Variants in MCM5 observed in about 807,000 individuals in gnomAD.
The protein encoded by MCM5 is DNA replication licensing factor MCM5.
Under a neutral mutation model 79.9 loss-of-function variants are expected in MCM5, and 46 were observed. That is an observed-to-expected ratio of 0.58 (90% CI 0.45 to 0.74). MCM5 has a LOEUF of 0.74. Among genes scored for constraint, MCM5 ranks in the 30% least tolerant of loss-of-function variants. MCM5 has a pLI of 0.00. For missense variants in MCM5, 883 were observed against 1,017.0 expected, an observed-to-expected ratio of 0.87 and a Z score of 1.79; for synonymous variants, 404 against 390.5, an observed-to-expected ratio of 1.03 and a Z score of -0.41.
the MCM5 span, among the ~76,000 whole-genome samples, chr22:35,449,088 G>A: frequency 1.3e-5 from 2 of 152,214 alleles, no homozygotes; most frequent in Admixed American, 1.3e-4. Flanking sequence ...AGCAGGGCAG[G>A]TTGAAGAACT....
At chr22:35,438,476 T>TATCCAACCATCC in the MCM5 span, among the ~76,000 whole-genome samples, 1 of 107,608 alleles carries the variant, frequency 9.3e-6, no homozygotes, top group Non-Finnish European at 1.8e-5. Flanking sequence ...TCCATCCACA[T>TATCCAACCATCC]ATCCATCCAT....
At position 35,406,599 on chromosome 22, in the gene MCM5, C is replaced by T. The variant is rs140804920; in HGVS notation, c.470C>T (p.Ala157Val). The T allele has an allele frequency of 3.7e-4, 598 of 1,613,790 alleles. No individual in the cohort carries two copies. The highest frequency in any genetic ancestry group is 1.3e-3 in the Middle Eastern group (8 of 6,062). The change falls in exon 5 of 17, where the codon GCG (alanine) becomes GTG (valine). Residue 157 changes from alanine (A) to valine (V), a missense_variant. This residue lies in a region of MCM5 where 455 missense variants were observed against 517.5 expected (regional missense o/e 0.88). Coordinates refer to ENST00000216122, the MANE Select transcript of MCM5 (RefSeq NM_006739.4). ...GTGAAGATCCCTGGCATCATCATCG[C>T]GGCCTCTGCGGTCCGTGCCAAGGCC... ...HLVKIPGIII[A>V]ASAVRAKATR...
At chr22:35,415,806 C>T (rs745948621) in intron 9 of MCM5, 23 bp from the exon 10 acceptor site, 2 of 1,604,986 alleles carry the variant, frequency 1.2e-6, no homozygotes, top group South Asian at 1.1e-5. Context: ...TTATTGGGCC[C>T]TGACACCACC....
chr22:35,414,035 C>A, intron 9 of MCM5, 49 bp downstream of exon 9: 2 of 1,322,850 alleles, frequency 1.5e-6, no homozygotes, highest in Non-Finnish European at 1.1e-6. Context: ...GGGAGGAAGG[C>A]TGCAGGGCAG....
At chr22:35,451,555 C>G in the MCM5 span, among the ~76,000 whole-genome samples, 16 of 152,250 alleles carry the variant, frequency 1.1e-4, no homozygotes, top group African/African-American at 3.9e-4. Context: ...GGCAGTGTCT[C>G]CAGGTCGACC....
chr22:35,420,065 C>T (rs935265173), intron 14 of MCM5, 53 bp downstream of exon 14: 1 of 1,540,646 alleles, frequency 6.5e-7, no homozygotes. Flanking sequence ...CTTTACACAG[C>T]AGGGTGTGCT....
At chr22:35,440,879 G>T in the MCM5 span, among the ~76,000 whole-genome samples, 144 of 152,216 alleles carry the variant, frequency 9.5e-4, no homozygotes, top group African/African-American at 3.4e-3. Flanking sequence ...CCAACATGGA[G>T]AAACCCCGTC....
intron 16 of MCM5, 146 bp downstream of exon 16, chr22:35,423,487 C>G (rs1932745235): frequency 1.2e-6 from 1 of 844,610 alleles, no homozygotes; most frequent in African/African-American, 1.8e-5. Flanking sequence ...CAGACCTTTT[C>G]TAGCCATCAT....
intron 6 of MCM5, chr22:35,410,322 A>G (rs1932339441): frequency 5.2e-6 from 1 of 191,924 alleles, no homozygotes. Flanking sequence ...GTGGCCCCTC[A>G]AGGAGGCTGG....
chr22:35,403,195 T>C lies in MCM5; in HGVS notation c.168-12T>C. 1.2e-6 allele frequency: 2 copies of C among 1,613,948 alleles called. No individual in the cohort carries two copies. The highest frequency in any genetic ancestry group is 1.7e-6 in the Non-Finnish European group (2 of 1,179,886). ...ACCCTTCCTGCCCCACCCTGCTATG[T>C]GCCCACTCCAGGGATGAACTCAAGC... On this transcript the variant is annotated splice_polypyrimidine_tract_variant and intron_variant, in intron 2 of 16. Coordinates refer to ENST00000216122, the MANE Select transcript of MCM5 (RefSeq NM_006739.4).
chr22:35,447,130 C>T, the MCM5 span, among the ~76,000 whole-genome samples: 109 of 152,236 alleles, frequency 7.2e-4, no homozygotes, highest in East Asian at 0.016. Flanking sequence ...CAGCATCAGC[C>T]TCGGGCTTCC....
In MCM5 at chr22:35,410,766, C is replaced by T; in HGVS notation, c.775C>T (p.Pro259Ser). ...CAGGTACCTGTGTGACAAGGTCGTC[C>T]CTGGGAACAGGGTTACCATCATGGG... is the stretch of plus-strand genomic sequence containing the variant. ...CDRYLCDKVVPGNRVTIMGIY... is the reference protein window; with the variant it reads ...CDRYLCDKVVSGNRVTIMGIY... Residue 259 changes from proline to serine, a missense_variant, in exon 7 of 17, where the codon CCT (proline) becomes TCT (serine). Physicochemically the swap from Pro to Ser is moderately conservative, Grantham distance 74. Coordinates refer to ENST00000216122, the MANE Select transcript of MCM5 (RefSeq NM_006739.4). 1.2e-6 allele frequency: 2 copies of T among 1,614,098 alleles called. No individual in the cohort carries two copies. Among genetic ancestry groups the T allele is most frequent in the Non-Finnish European group, 1.7e-6 (2 of 1,179,996 alleles).
chr22:35,448,720 G>A, the MCM5 span, among the ~76,000 whole-genome samples: 17 of 152,136 alleles, frequency 1.1e-4, no homozygotes, highest in South Asian at 4.1e-4. Context: ...TGCCACAAAC[G>A]AACACCCTCC....
intron 7 of MCM5, 27 bp from the exon 8 acceptor site, chr22:35,412,483 A>C: frequency 6.7e-7 from 1 of 1,496,188 alleles, no homozygotes; most frequent in South Asian, 1.4e-5. Context: ...CCTTGTACTC[A>C]CTCATGCGCC....
chr22:35,447,296 C>A, the MCM5 span, among the ~76,000 whole-genome samples: 1 of 152,146 alleles, frequency 6.6e-6, no homozygotes, highest in African/African-American at 2.4e-5. Flanking sequence ...GTTCCCAGCC[C>A]ACATGAGGGT....
the MCM5 span, among the ~76,000 whole-genome samples, chr22:35,447,332 G>A: frequency 6.6e-6 from 1 of 152,172 alleles, no homozygotes; most frequent in Non-Finnish European, 1.5e-5. Flanking sequence ...AGAGCCCCTT[G>A]TTCCTTCTGG....
chr22:35,422,546 G>A lies in MCM5; in HGVS notation c.1976-668G>A, dbSNP rs1406654153. 3.3e-5 allele frequency: 5 copies of A among 152,516 alleles called. No homozygotes were observed. The East Asian group carries it at 9.6e-4, about 29-fold the overall frequency. The allele number at this position is 152,516 out of a possible 1,614,324, so 9.4% of individuals were successfully genotyped here. On this transcript the variant is annotated intron_variant, in intron 15 of 16. Coordinates refer to ENST00000216122, the MANE Select transcript of MCM5 (RefSeq NM_006739.4). ...AGCCTCTACCCTGGAGACACTTGCT[G>A]TCACATGAGACATTGCAGGTGGAGG...
chr22:35,402,048 C>T (rs1033406193), intron 2 of MCM5, among the ~76,000 whole-genome samples: 4 of 152,142 alleles, frequency 2.6e-5, no homozygotes, highest in African/African-American at 9.7e-5. Context: ...TGGGGAACAG[C>T]CTGTGCGTTG....
chr22:35,419,882 A>C lies in MCM5; in HGVS notation c.1704-2A>C. 1 of 1,610,346 alleles carries C rather than the reference A, an allele frequency of 6.2e-7. No individual in the cohort carries two copies. The highest frequency in any genetic ancestry group is 8.5e-7 in the Non-Finnish European group (1 of 1,177,966). On this transcript the variant is annotated splice_acceptor_variant, in intron 13 of 16. Transcript: ENST00000216122. LOFTEE classifies it high-confidence loss of function. ...CACCAGCCTCTCCCCACTGTCCTGC[A>C]GGAAGTGTGGCCCCCGGCTGTCAGC...
Sources: allele counts gnomAD v4.1 joint callset (sites outside exome capture counted in the v4.1 genomes callset), GRCh38; gene constraint gnomAD v4.1.1; regional missense constraint gnomAD v4.1.1; transcripts MANE v1.5; gene names NCBI Gene and HGNC (gene_info 2026-07-23, HGNC 2026-07-21).